The following CNTNAP2 variants were observed in gnomAD, a reference collection of about 807,000 sequenced individuals.
The protein encoded by CNTNAP2 is contactin associated protein 2, also known as contactin-associated protein-like 2.
CNTNAP2 carries 98 observed loss-of-function variants against 155.2 expected under a neutral mutation model. That is an observed-to-expected ratio of 0.63 (90% CI 0.54 to 0.75). The LOEUF (loss-of-function observed/expected upper bound fraction) is 0.75. Among genes scored for constraint, CNTNAP2 ranks in the 30% least tolerant of loss-of-function variants. CNTNAP2 has a pLI of 0.00. For missense variants in CNTNAP2, 1,727 were observed against 1,688.1 expected, an observed-to-expected ratio of 1.02 and a Z score of -0.40; for synonymous variants, 651 against 631.2, an observed-to-expected ratio of 1.03 and a Z score of -0.47.
At chr7:147,560,365 T>C (rs1254056631) in intron 11 of CNTNAP2, among the ~76,000 whole-genome samples, 6 of 152,128 alleles carry the variant, frequency 3.9e-5, no homozygotes, top group Non-Finnish European at 1.5e-5. Context: ...TATAAGTTGA[T>C]ATAAAACCTA....
At chr7:147,588,020 T>G (rs939410454) in intron 12 of CNTNAP2, among the ~76,000 whole-genome samples, 2 of 152,084 alleles carry the variant, frequency 1.3e-5, no homozygotes, top group African/African-American at 4.8e-5. Context: ...TAGATAAAAT[T>G]TAAGCTCCCA....
At chr7:148,326,387 G>T (rs1278404111) in intron 21 of CNTNAP2, among the ~76,000 whole-genome samples, 1 of 152,072 alleles carries the variant, frequency 6.6e-6, no homozygotes, top group Non-Finnish European at 1.5e-5. Flanking sequence ...CAATAAAACA[G>T]ACATTGCTTT....
intron 1 of CNTNAP2, among the ~76,000 whole-genome samples, chr7:146,384,941 A>G (rs1051959551): frequency 1.3e-5 from 2 of 152,134 alleles, no homozygotes; most frequent in Admixed American, 6.5e-5. Flanking sequence ...CTGGTTCACT[A>G]TTTTATCATC....
intron 13 of CNTNAP2, among the ~76,000 whole-genome samples, chr7:147,789,202 C>T (rs1047025669): frequency 1.2e-4 from 19 of 152,080 alleles, no homozygotes; most frequent in African/African-American, 2.7e-4. Flanking sequence ...CCACCACGCC[C>T]GGCCCAATAG....
chr7:146,497,074 A>G (rs1470081841), intron 1 of CNTNAP2, among the ~76,000 whole-genome samples: 1 of 152,124 alleles, frequency 6.6e-6, no homozygotes. Flanking sequence ...TCATTTTACA[A>G]TTGTGAAAAC....
chr7:147,128,577 T>A, intron 6 of CNTNAP2, 116 bp from the exon 7 acceptor site: 1 of 1,153,310 alleles, frequency 8.7e-7, no homozygotes, highest in Non-Finnish European at 1.3e-6. Flanking sequence ...CAGAATGCTA[T>A]AATATTTGTA....
At chr7:148,266,870 A>G (rs1188081478) in intron 20 of CNTNAP2, among the ~76,000 whole-genome samples, 163 bp from the exon 21 acceptor site, 1 of 152,212 alleles carries the variant, frequency 6.6e-6, no homozygotes, top group Non-Finnish European at 1.5e-5. Flanking sequence ...AAAGGAAGAC[A>G]TGGGTTTCCA....
intron 10 of CNTNAP2, among the ~76,000 whole-genome samples, chr7:147,478,293 C>T (rs1205711364): frequency 6.6e-6 from 1 of 152,050 alleles, no homozygotes; most frequent in East Asian, 1.9e-4. Context: ...GCTGGGACTA[C>T]AGGCACCCAC....
At chr7:146,145,462 C>A (rs1460801170) in intron 1 of CNTNAP2, among the ~76,000 whole-genome samples, 1 of 152,176 alleles carries the variant, frequency 6.6e-6, no homozygotes, top group Non-Finnish European at 1.5e-5. Flanking sequence ...AATTAGAAAT[C>A]TTTGCAGCAA....
At chr7:147,598,811 TAGTG>T (rs111639873) in intron 12 of CNTNAP2, among the ~76,000 whole-genome samples, 2,094 of 152,164 alleles carry the variant, frequency 0.014, 53 homozygotes, top group African/African-American at 0.048. Flanking sequence ...ATTCTTGTGA[TAGTG>T]AGTGAGTTCT....
chr7:146,235,790 G>C (rs1476902243), intron 1 of CNTNAP2, among the ~76,000 whole-genome samples: 2 of 152,112 alleles, frequency 1.3e-5, no homozygotes, highest in African/African-American at 2.4e-5. Flanking sequence ...CAGTTCTGCT[G>C]TAAGTGGCCC....
rs754030091 is a variant in CNTNAP2 at position 148,097,340 on chromosome 7, T to TAAAAAAAAAAAA, written c.2384-20767_2384-20756dup. ...GTTTAAATTCAGCTCGTGTCATTTG[T>TAAAAAAAAAAAA]AAAAAAAAAAAAAAAAAAAAAACCA... is the stretch of plus-strand genomic sequence containing the variant. On this transcript the variant is annotated intron_variant, in intron 15 of 23. Coordinates refer to ENST00000361727, the MANE Select transcript of CNTNAP2 (RefSeq NM_014141.6). 8.8e-4 allele frequency among the ~76,000 whole-genome samples: 69 copies of TAAAAAAAAAAAA among 78,458 alleles called. 1 individual carries two copies. The highest frequency in any genetic ancestry group is 3.2e-3 in the African/African-American group (68 of 20,928). The allele number at this position is 78,458 out of a possible 152,430, so 51.5% of individuals were successfully genotyped here.
At chr7:146,496,256 A>G (rs1797213484) in intron 1 of CNTNAP2, among the ~76,000 whole-genome samples, 1 of 152,196 alleles carries the variant, frequency 6.6e-6, no homozygotes, top group Non-Finnish European at 1.5e-5. Flanking sequence ...AAAGCCCACA[A>G]TACGCGTGGA....
At chr7:146,764,546 A>G (rs1207444637) in intron 1 of CNTNAP2, among the ~76,000 whole-genome samples, 1 of 151,798 alleles carries the variant, frequency 6.6e-6, no homozygotes, top group Admixed American at 6.6e-5. Context: ...AAAAAGCCTC[A>G]CAAATCTATT....
At chr7:148,062,353 T>C (rs916801471) in intron 15 of CNTNAP2, among the ~76,000 whole-genome samples, 1 of 152,120 alleles carries the variant, frequency 6.6e-6, no homozygotes, top group African/African-American at 2.4e-5. Context: ...AACTTAGCAA[T>C]TTTAAACTTG....
At chr7:147,537,386 A>G (rs916809611) in intron 11 of CNTNAP2, among the ~76,000 whole-genome samples, 5 of 152,230 alleles carry the variant, frequency 3.3e-5, no homozygotes, top group African/African-American at 1.2e-4. Context: ...AATTATATTC[A>G]AACTGAATAA....
At chr7:146,594,433 T>TACACACACACACACACACAC (rs4016062) in intron 1 of CNTNAP2, among the ~76,000 whole-genome samples, 6 of 149,342 alleles carry the variant, frequency 4.0e-5, no homozygotes, top group African/African-American at 1.5e-4. Context: ...TACTAGTGTT[T>TACACACACACACACACACAC]ACACACACAC....
intron 1 of CNTNAP2, among the ~76,000 whole-genome samples, chr7:146,491,625 TAG>T (rs1386548395): frequency 6.6e-6 from 1 of 152,110 alleles, no homozygotes; most frequent in Non-Finnish European, 1.5e-5. Context: ...AGAGCGTTTT[TAG>T]AGAGGATGCC....
intron 1 of CNTNAP2, among the ~76,000 whole-genome samples, chr7:146,466,718 T>C (rs553506843): frequency 1.3e-5 from 2 of 152,316 alleles, no homozygotes; most frequent in South Asian, 4.1e-4. Context: ...TCATAATTGT[T>C]TGATGATTTT....
Sources: allele counts gnomAD v4.1 joint callset (sites outside exome capture counted in the v4.1 genomes callset), GRCh38; gene constraint gnomAD v4.1.1; transcripts MANE v1.5; gene names NCBI Gene and HGNC (gene_info 2026-07-23, HGNC 2026-07-21).